SMAP1: variants seen among roughly 807,000 people sequenced by gnomAD.
SMAP1 encodes stromal membrane-associated protein 1.
SMAP1 carries 24 observed loss-of-function variants against 58.5 expected under a neutral mutation model. The ratio of observed to expected loss-of-function variants is 0.41; its 90% confidence interval spans 0.30 to 0.58. The LOEUF (loss-of-function observed/expected upper bound fraction) is 0.58. Among genes scored for constraint, SMAP1 ranks in the 20% least tolerant of loss-of-function variants. The probability of loss-of-function intolerance (pLI) is 0.29; values close to 1 mark genes in which losing one functional copy is unlikely to be tolerated. For synonymous variants in SMAP1, 216 were observed against 196.6 expected (o/e 1.10, Z -0.82); for missense variants, 563 against 566.3 (o/e 0.99, Z 0.06).
At chr6:70,735,216 T>G (rs1765574758) in intron 2 of SMAP1, among the ~76,000 whole-genome samples, 1 of 152,210 alleles carries the variant, frequency 6.6e-6, no homozygotes, top group Non-Finnish European at 1.5e-5. Flanking sequence ...AATGTCTGTA[T>G]GATGTCACCA....
intron 3 of SMAP1, among the ~76,000 whole-genome samples, chr6:70,770,755 AG>A (rs1767254110): frequency 2.6e-5 from 4 of 152,232 alleles, no homozygotes; most frequent in Admixed American, 2.0e-4. Flanking sequence ...AACTTGTCAA[AG>A]TCATTCTCTG....
chr6:70,800,212 G>T (rs1768784535), intron 6 of SMAP1, among the ~76,000 whole-genome samples: 1 of 151,918 alleles, frequency 6.6e-6, no homozygotes, highest in Non-Finnish European at 1.5e-5. Flanking sequence ...GAACCCAGGA[G>T]TTTGAGGCTG....
intron 4 of SMAP1, among the ~76,000 whole-genome samples, chr6:70,776,216 C>G (rs1767540117): frequency 1.3e-5 from 2 of 152,244 alleles, no homozygotes; most frequent in South Asian, 4.1e-4. Flanking sequence ...CAGAGTCTCG[C>G]TCTGTTGCCA....
At chr6:70,802,448 T>A (rs1430713832) in intron 6 of SMAP1, among the ~76,000 whole-genome samples, 1 of 152,240 alleles carries the variant, frequency 6.6e-6, no homozygotes, top group Admixed American at 6.5e-5. Context: ...TCATGTCATC[T>A]GCAAACAGGG....
chr6:70,684,671 A>G (rs112680174), intron 1 of SMAP1, among the ~76,000 whole-genome samples: 14 of 151,936 alleles, frequency 9.2e-5, no homozygotes, highest in African/African-American at 1.5e-4. Context: ...AGAACTTTCT[A>G]AGTTTTTCAG....
At chr6:70,735,215 A>G (rs953505433) in intron 2 of SMAP1, among the ~76,000 whole-genome samples, 10 of 152,210 alleles carry the variant, frequency 6.6e-5, no homozygotes, top group African/African-American at 1.9e-4. Context: ...AAATGTCTGT[A>G]TGATGTCACC....
At position 70,742,159 on chromosome 6, in the gene SMAP1, G is replaced by A. The variant is rs368823750; in HGVS notation, c.252+9648G>A. ...TAACATTTGACTCCTCATTACTTAC[G>A]CAGATTTCTGCAACCGGGTTGAATT... is the stretch of plus-strand genomic sequence containing the variant. On this transcript the variant is annotated intron_variant, in intron 2 of 10. Coordinates refer to ENST00000370455, the MANE Select transcript of SMAP1 (RefSeq NM_001044305.3). Among the ~76,000 whole-genome samples, 40 of 152,262 alleles carry A rather than the reference G, an allele frequency of 2.6e-4. 1 individual carries two copies. In the East Asian group the frequency reaches 4.1e-3, roughly 15 times the overall value.
intron 2 of SMAP1, among the ~76,000 whole-genome samples, chr6:70,752,654 A>G (rs1227009656): frequency 6.6e-6 from 1 of 151,966 alleles, no homozygotes; most frequent in Non-Finnish European, 1.5e-5. Flanking sequence ...TCCCCAAAAC[A>G]TCAGCTCCTG....
chr6:70,675,202 T>G (rs1490933587), intron 1 of SMAP1, among the ~76,000 whole-genome samples: 4 of 27,468 alleles, frequency 1.5e-4, no homozygotes, highest in East Asian at 2.9e-3. Flanking sequence ...TATAGTGTTT[T>G]TTTTTTTTTT....
intron 1 of SMAP1, among the ~76,000 whole-genome samples, chr6:70,698,026 T>G (rs1213481488): frequency 6.6e-6 from 1 of 152,228 alleles, no homozygotes; most frequent in African/African-American, 2.4e-5. Context: ...GATTTCTTAT[T>G]GCTCGTTAAC....
intron 5 of SMAP1, among the ~76,000 whole-genome samples, chr6:70,794,881 C>A (rs574331600): frequency 6.6e-6 from 1 of 151,330 alleles, no homozygotes; most frequent in African/African-American, 2.4e-5. Flanking sequence ...CTCTGCCTCC[C>A]GGGTTCACGC....
At chr6:70,693,606 T>C (rs957331166) in intron 1 of SMAP1, among the ~76,000 whole-genome samples, 2 of 152,074 alleles carry the variant, frequency 1.3e-5, no homozygotes. Flanking sequence ...CTGGCCATCA[T>C]TGTATTTTAA....
chr6:70,685,893 T>A (rs77675972), intron 1 of SMAP1, among the ~76,000 whole-genome samples: 9,341 of 152,044 alleles, frequency 0.061, 506 homozygotes, highest in African/African-American at 0.14. Flanking sequence ...GAGGTTTTTT[T>A]AATTTTTTTA....
chr6:70,796,153 T>A (rs1338112544), intron 5 of SMAP1, among the ~76,000 whole-genome samples: 1 of 152,224 alleles, frequency 6.6e-6, no homozygotes, highest in Non-Finnish European at 1.5e-5. Context: ...TATTCTTTAC[T>A]TATAAAATGG....
At chr6:70,791,804 T>A (rs759413182) in intron 5 of SMAP1, 35 bp downstream of exon 5, 54 of 1,555,202 alleles carry the variant, frequency 3.5e-5, no homozygotes, top group Non-Finnish European at 4.7e-5. Flanking sequence ...CATTATGTAG[T>A]GTTAAATGGT....
At chr6:70,790,370 C>T (rs557473539) in intron 4 of SMAP1, among the ~76,000 whole-genome samples, 104 of 152,288 alleles carry the variant, frequency 6.8e-4, no homozygotes, top group African/African-American at 2.2e-3. Flanking sequence ...AACTCCTGAA[C>T]TCAAGTGATC....
chr6:70,774,162 G>A (rs138239066), intron 4 of SMAP1, among the ~76,000 whole-genome samples: 27 of 152,286 alleles, frequency 1.8e-4, no homozygotes, highest in East Asian at 7.7e-4. Context: ...ATCTAGGTTT[G>A]TATGAGCACA....
intron 1 of SMAP1, among the ~76,000 whole-genome samples, chr6:70,732,159 T>C (rs1765456126): frequency 6.6e-6 from 1 of 152,164 alleles, no homozygotes; most frequent in Non-Finnish European, 1.5e-5. Flanking sequence ...GGGAAGTTTC[T>C]AGGAAAGCAA....
At chr6:70,830,197 A>C (rs1770302806) in intron 6 of SMAP1, among the ~76,000 whole-genome samples, 3 of 152,198 alleles carry the variant, frequency 2.0e-5, no homozygotes, top group Non-Finnish European at 4.4e-5. Flanking sequence ...TTCACTTATT[A>C]AAAGACAAAT....
Sources: gnomAD v4.1 joint callset for allele counts (sites outside exome capture counted in the v4.1 genomes callset) on GRCh38, gnomAD v4.1.1 for gene constraint, MANE v1.5 for transcripts, NCBI Gene and HGNC (gene_info 2026-07-23, HGNC 2026-07-21) for gene names.